Variants in CACNA1A observed in about 807,000 individuals in gnomAD.
The protein encoded by CACNA1A is calcium voltage-gated channel subunit alpha1 A.
CACNA1A carries 57 observed loss-of-function variants against 262.4 expected under a neutral mutation model. That is an observed-to-expected ratio of 0.22 (90% CI 0.18 to 0.27). CACNA1A has a LOEUF of 0.27. Ranked by LOEUF, CACNA1A falls within the 10% of genes least tolerant of loss-of-function variation. The pLI is 1.00. For missense variants in CACNA1A, 2,526 were observed against 3,562.8 expected (o/e 0.71, Z 7.41); for synonymous variants, 1,431 against 1,419.3 (o/e 1.01, Z -0.18).
At chr19:13,473,264 AAAG>A (rs1978291367) in intron 1 of CACNA1A, among the ~76,000 whole-genome samples, 2 of 151,914 alleles carry the variant, frequency 1.3e-5, no homozygotes, top group Admixed American at 6.6e-5. Flanking sequence ...AAAAAAAAAA[AAAG>A]AGAGAGAGAG....
At chr19:13,473,757 C>T (rs1236419495) in intron 1 of CACNA1A, among the ~76,000 whole-genome samples, 1 of 20,584 alleles carries the variant, frequency 4.9e-5, no homozygotes, top group Non-Finnish European at 5.0e-4. Context: ...TCCCCCCCAC[C>T]CCCCTGCCTC....
intron 22 of CACNA1A, among the ~76,000 whole-genome samples, chr19:13,281,201 G>A (rs1298586450): frequency 6.6e-6 from 1 of 151,378 alleles, no homozygotes; most frequent in Non-Finnish European, 1.5e-5. Context: ...GCAACATAGC[G>A]AGGCCCGTTT....
At chr19:13,295,438 T>C (rs987261983) in intron 19 of CACNA1A, among the ~76,000 whole-genome samples, 2 of 152,178 alleles carry the variant, frequency 1.3e-5, no homozygotes, top group African/African-American at 4.8e-5. Flanking sequence ...AAATCTTGCT[T>C]GTAATTACCT....
chr19:13,475,119 T>C (rs765878765), intron 1 of CACNA1A, among the ~76,000 whole-genome samples: 7 of 152,210 alleles, frequency 4.6e-5, no homozygotes, highest in African/African-American at 1.7e-4. Flanking sequence ...TGAGCCCTTA[T>C]AGGAAAATAT....
chr19:13,501,131 A>C (rs561407292), intron 1 of CACNA1A, among the ~76,000 whole-genome samples: 1 of 151,992 alleles, frequency 6.6e-6, no homozygotes. Context: ...CCATTTGTCA[A>C]AGCTTGCAGA....
chr19:13,459,908 G>A (rs2061086803), intron 1 of CACNA1A, among the ~76,000 whole-genome samples: 1 of 152,120 alleles, frequency 6.6e-6, no homozygotes, highest in Non-Finnish European at 1.5e-5. Context: ...AGTGTTGCCT[G>A]GATTTCAGAC....
intron 1 of CACNA1A, among the ~76,000 whole-genome samples, chr19:13,485,014 G>A (rs539097638): frequency 6.6e-6 from 1 of 152,306 alleles, no homozygotes; most frequent in African/African-American, 2.4e-5. Flanking sequence ...ATCCGTCACT[G>A]TAACTCAGTG....
intron 1 of CACNA1A, among the ~76,000 whole-genome samples, chr19:13,465,727 G>A (rs980353103): frequency 5.9e-5 from 9 of 152,118 alleles, no homozygotes; most frequent in African/African-American, 2.2e-4. Context: ...GGGCTCAAGC[G>A]ATCCGCCCAC....
At chr19:13,245,042 C>G (rs2056189742) in intron 31 of CACNA1A, 140 bp downstream of exon 31, 3 of 710,124 alleles carry the variant, frequency 4.2e-6, no homozygotes, top group Non-Finnish European at 7.3e-6. Flanking sequence ...CCCCAGTTCT[C>G]CCTCTCTGGT....
chr19:13,359,403 C>A (rs1458802728), intron 6 of CACNA1A, among the ~76,000 whole-genome samples: 2 of 152,146 alleles, frequency 1.3e-5, no homozygotes, highest in Non-Finnish European at 2.9e-5. Context: ...GACTTCTATG[C>A]CCTATAGTTA....
intron 43 of CACNA1A, chr19:13,211,843 C>T (rs970225563): frequency 2.7e-5 from 12 of 440,586 alleles, no homozygotes; most frequent in African/African-American, 2.2e-4. Flanking sequence ...CAGCCAGAGA[C>T]CATTTTGCAG....
chr19:13,405,521 G>C (rs939853378), intron 3 of CACNA1A, among the ~76,000 whole-genome samples: 11 of 152,126 alleles, frequency 7.2e-5, no homozygotes, highest in African/African-American at 2.7e-4. Context: ...ATTGGTAGTA[G>C]TATTGCATTA....
chr19:13,316,247 C>G (rs1234504231), intron 11 of CACNA1A: 1 of 152,056 alleles, frequency 6.6e-6, no homozygotes, highest in Non-Finnish European at 1.5e-5. Flanking sequence ...TGTGAGCCAC[C>G]ATGCCTGGCC....
rs2057962333 is a variant in CACNA1A at position 13,308,989 on chromosome 19, T to A, written c.1669-461A>T. 1.3e-5 allele frequency among the ~76,000 whole-genome samples: 2 copies of A among 151,796 alleles called. No homozygotes were observed. The highest frequency in any genetic ancestry group is 4.8e-5 in the African/African-American group (2 of 41,306). ...GCATTGAGCCACTGCACCCGGCCTC[T>A]TATTTATTTATTTATTTTTATTTAT... is the stretch of plus-strand genomic sequence containing the variant. On this transcript the variant is annotated intron_variant, in intron 12 of 46. Coordinates refer to ENST00000360228, the MANE Select transcript of CACNA1A (RefSeq NM_001127222.2). This position sits in a 1 kb window ranked among gnomAD's most constrained non-coding sequence, Gnocchi z 4.2.
chr19:13,307,246 C>CT (rs2057923891), intron 15 of CACNA1A: 1 of 147,616 alleles, frequency 6.8e-6, no homozygotes, highest in Admixed American at 6.8e-5. Flanking sequence ...TTTTCTTTTT[C>CT]TTTTTTGAGA....
chr19:13,450,878 T>A (rs149542748), intron 3 of CACNA1A: 2 of 152,326 alleles, frequency 1.3e-5, no homozygotes, highest in East Asian at 3.9e-4. Flanking sequence ...TTGCTCAGGC[T>A]CGTCTCAAAC....
chr19:13,418,672 C>G (rs926452632), intron 3 of CACNA1A, among the ~76,000 whole-genome samples: 1 of 152,028 alleles, frequency 6.6e-6, no homozygotes, highest in Non-Finnish European at 1.5e-5. Context: ...TCCCCCGGAT[C>G]CTTTGGAGGG....
In CACNA1A at chr19:13,241,562, GGGCGGGGGCAGTTGGGGA is replaced by G; in HGVS notation, c.4950+3602_4950+3619del. On this transcript the variant is annotated intron_variant, in intron 31 of 46. Coordinates refer to ENST00000360228, the MANE Select transcript of CACNA1A (RefSeq NM_001127222.2). This position sits in a 1 kb window ranked among gnomAD's most constrained non-coding sequence, Gnocchi z 4.0. ...ATGTTGAAGATGAGGGGGAGCGGGCGGGCGGGGGCAGTTGGGGAGGCGTGTTCAGCATTTTTTAGGTTG... is the reference window on the plus strand; with the variant it reads ...ATGTTGAAGATGAGGGGGAGCGGGCGGGCGTGTTCAGCATTTTTTAGGTTG... 1 of 1,201,728 alleles carries G rather than the reference GGGCGGGGGCAGTTGGGGA, an allele frequency of 8.3e-7. No individual in the cohort carries two copies. The highest frequency in any genetic ancestry group is 1.2e-6 in the Non-Finnish European group (1 of 838,438). The allele number at this position is 1,201,728 out of a possible 1,614,324, so 74.4% of individuals were successfully genotyped here.
At chr19:13,353,299 GTT>G (rs57554463) in intron 6 of CACNA1A, among the ~76,000 whole-genome samples, 2 of 135,074 alleles carry the variant, frequency 1.5e-5, no homozygotes, top group African/African-American at 2.7e-5. Context: ...TTGTATTTTT[GTT>G]TTTTTTTTTT....
Sources: allele counts gnomAD v4.1 joint callset (sites outside exome capture counted in the v4.1 genomes callset), GRCh38; gene constraint gnomAD v4.1.1; non-coding constraint Gnocchi (gnomAD v3.1); transcripts MANE v1.5; gene names NCBI Gene and HGNC (gene_info 2026-07-23, HGNC 2026-07-21).